Variants in PCDH11X observed in about 807,000 individuals in gnomAD.
The protein encoded by PCDH11X is protocadherin-11 X-linked.
A neutral mutation model predicts 53.3 loss-of-function variants in PCDH11X; 18 were observed. That is an observed-to-expected ratio of 0.34 (90% CI 0.23 to 0.50). The LOEUF is 0.50. PCDH11X is among the 20% of genes least tolerant of loss of function. The pLI is 0.98. For missense variants in PCDH11X, 570 were observed against 1,032.4 expected (o/e 0.55, Z 6.14); for synonymous variants, 279 against 393.3 (o/e 0.71, Z 3.44).
chrX:92,262,987 T>A, intron 7 of PCDH11X, 127 bp from the exon 8 acceptor site: 1 of 1,073,674 alleles, frequency 9.3e-7, no homozygotes, highest in Non-Finnish European at 1.2e-6. Flanking sequence ...ACCATTGCAC[T>A]GGGAATGTTG....
intron 6 of PCDH11X, among the ~76,000 whole-genome samples, chrX:91,966,165 T>TC (rs1036271685): frequency 1.8e-5 from 2 of 108,964 alleles, no homozygotes; most frequent in African/African-American, 6.7e-5. Flanking sequence ...TTTTTTTTTT[T>TC]CTGAGAGGCC....
At chrX:91,798,768 ATTC>A (rs1935832026) in intron 1 of PCDH11X, among the ~76,000 whole-genome samples, 1 of 110,857 alleles carries the variant, frequency 9.0e-6, no homozygotes, top group Non-Finnish European at 1.9e-5. Context: ...TTACTTGAAA[ATTC>A]TACTTTTCAC....
chrX:91,807,095 T>A (rs1243682748), intron 1 of PCDH11X, among the ~76,000 whole-genome samples: 1 of 106,946 alleles, frequency 9.4e-6, no homozygotes, highest in Non-Finnish European at 1.9e-5. Flanking sequence ...ATTCCAGTGT[T>A]TTGGGAGGCC....
At position 92,038,037 on chromosome X, in the gene PCDH11X, A is replaced by T. The variant is rs1471437535; in HGVS notation, c.3033+158764A>T. 8.2e-5 allele frequency among the ~76,000 whole-genome samples: 9 copies of T among 110,036 alleles called. No individual in the cohort carries two copies. In the Admixed American group the frequency reaches 8.8e-4, roughly 11 times the overall value. On this transcript the variant is annotated intron_variant, in intron 6 of 10. Transcript: ENST00000682573. Reference sequence around the variant, plus strand: ...GGAAGAAATTTCTAAGCAGCAAATCATTCAAGATGTGACTTGGGTGCTGTT... The same window carrying T: ...GGAAGAAATTTCTAAGCAGCAAATCTTTCAAGATGTGACTTGGGTGCTGTT...
intron 6 of PCDH11X, among the ~76,000 whole-genome samples, chrX:92,120,589 C>T (rs987361427): frequency 8.9e-6 from 1 of 112,693 alleles, no homozygotes; most frequent in Non-Finnish European, 1.9e-5. Context: ...TCATATTTTA[C>T]ACTTTTGATC....
At chrX:92,417,196 T>C (rs1044512237) in intron 9 of PCDH11X, among the ~76,000 whole-genome samples, 10 of 112,202 alleles carry the variant, frequency 8.9e-5, no homozygotes, top group African/African-American at 3.2e-4. Context: ...TTAATGAATA[T>C]TGTTAGTTGA....
At chrX:91,905,703 G>T (rs1569435708) in intron 6 of PCDH11X, among the ~76,000 whole-genome samples, 1 of 110,921 alleles carries the variant, frequency 9.0e-6, no homozygotes, top group Non-Finnish European at 1.9e-5. Flanking sequence ...TCTTTTTGTG[G>T]TTTTTTTCCT....
chrX:91,792,117 G>A (rs1350809827), intron 1 of PCDH11X, among the ~76,000 whole-genome samples: 3 of 109,049 alleles, frequency 2.8e-5, no homozygotes, highest in Admixed American at 9.7e-5. Context: ...CCAAAGTACT[G>A]GGATTACAGG....
At chrX:91,806,881 AATAAAG>A (rs1328809492) in intron 1 of PCDH11X, among the ~76,000 whole-genome samples, 1 of 112,196 alleles carries the variant, frequency 8.9e-6, no homozygotes, top group Non-Finnish European at 1.9e-5. Context: ...GCAAAATCTG[AATAAAG>A]ATAAAGTTTT....
At chrX:91,881,099 A>G (rs1569425574) in intron 6 of PCDH11X, among the ~76,000 whole-genome samples, 2 of 110,704 alleles carry the variant, frequency 1.8e-5, no homozygotes, top group East Asian at 5.7e-4. Flanking sequence ...TTGAAGGCAC[A>G]GAGATATTTT....
chrX:92,295,704 C>T (rs2068590669), intron 8 of PCDH11X, among the ~76,000 whole-genome samples: 1 of 94,930 alleles, frequency 1.1e-5, no homozygotes, highest in Non-Finnish European at 2.1e-5. Flanking sequence ...TGAATATTAT[C>T]CCCATAAAAG....
At chrX:92,318,072 T>C (rs1270653475) in intron 8 of PCDH11X, among the ~76,000 whole-genome samples, 1 of 111,383 alleles carries the variant, frequency 9.0e-6, no homozygotes, top group Non-Finnish European at 1.9e-5. Context: ...TTGTATAATA[T>C]TCTAATGCCA....
chrX:92,000,944 T>C (rs1292241583), intron 6 of PCDH11X, among the ~76,000 whole-genome samples: 1 of 95,504 alleles, frequency 1.0e-5, no homozygotes, highest in East Asian at 3.3e-4. Flanking sequence ...TTCCATTGTG[T>C]ATATCTATGA....
chrX:92,126,864 A>T (rs1182424254), intron 6 of PCDH11X, among the ~76,000 whole-genome samples: 1 of 107,923 alleles, frequency 9.3e-6, no homozygotes, highest in African/African-American at 3.4e-5. Context: ...TAAAAAAAAA[A>T]AAGTTTCATT....
intron 6 of PCDH11X, among the ~76,000 whole-genome samples, chrX:92,093,024 T>G (rs746072274): frequency 1.9e-4 from 21 of 111,543 alleles, no homozygotes; most frequent in Middle Eastern, 4.6e-3. Flanking sequence ...ACTCTCTTCC[T>G]CCTCCTATGG....
intron 10 of PCDH11X, among the ~76,000 whole-genome samples, chrX:92,533,438 C>T (rs1369859076): frequency 1.0e-5 from 1 of 98,599 alleles, no homozygotes; most frequent in African/African-American, 3.7e-5. Context: ...GGTTTATTAA[C>T]ACTGGGTGTG....
chrX:92,431,549 T>G (rs1284295772), intron 9 of PCDH11X, among the ~76,000 whole-genome samples: 2 of 110,539 alleles, frequency 1.8e-5, no homozygotes, highest in African/African-American at 6.5e-5. Context: ...GCTATTATTT[T>G]GGAGTGGGTG....
chrX:92,287,926 T>A (rs2068413069), intron 8 of PCDH11X: 1 of 510,603 alleles, frequency 2.0e-6, no homozygotes, highest in South Asian at 2.5e-5. Flanking sequence ...TGTGTAACAC[T>A]TTCCCCTTCA....
intron 6 of PCDH11X, among the ~76,000 whole-genome samples, chrX:91,958,547 C>T (rs972360913): frequency 6.3e-5 from 7 of 110,744 alleles, no homozygotes; most frequent in South Asian, 3.8e-4. Context: ...GGTGGGGTTG[C>T]GCAATCACTC....
Sources: gnomAD v4.1 joint callset for allele counts (sites outside exome capture counted in the v4.1 genomes callset) on GRCh38, gnomAD v4.1.1 for gene constraint, MANE v1.5 for transcripts, NCBI Gene and HGNC (gene_info 2026-07-23, HGNC 2026-07-21) for gene names.